C2orf49: variants seen among roughly 807,000 people sequenced by gnomAD.
The protein encoded by C2orf49 is tRNA splicing ligase complex subunit 2.
C2orf49 carries 11 observed loss-of-function variants against 20.6 expected under a neutral mutation model. That is an observed-to-expected ratio of 0.53 (90% CI 0.34 to 0.88). The LOEUF is 0.88. C2orf49 is among the 40% of genes least tolerant of loss of function. The probability of loss-of-function intolerance (pLI) is 0.02; values close to 1 mark genes in which losing one functional copy is unlikely to be tolerated. For missense variants in C2orf49, 289 were observed against 274.2 expected (o/e 1.05, Z -0.38); for synonymous variants, 134 against 108.5 (o/e 1.24, Z -1.46).
At chr2:105,341,551 C>A (rs1679670263) in intron 2 of C2orf49, among the ~76,000 whole-genome samples, 1 of 152,230 alleles carries the variant, frequency 6.6e-6, no homozygotes, top group South Asian at 2.1e-4. Context: ...TTAGATTAAG[C>A]AAGCTGTCAA....
At chr2:105,358,902 T>C in the C2orf49 span, 1 of 152,220 alleles carries the variant, frequency 6.6e-6, no homozygotes, top group Non-Finnish European at 1.5e-5. Context: ...CTTCCTCACT[T>C]TCCAGAGGCT....
At chr2:105,357,898 T>C in the C2orf49 span, 1 of 152,222 alleles carries the variant, frequency 6.6e-6, no homozygotes, top group East Asian at 1.9e-4. Context: ...TTAAGCACTT[T>C]GAGCTAATAA....
At position 105,345,594 on chromosome 2, in the gene C2orf49, T is replaced by C. The variant is rs1679791832; in HGVS notation, c.*223T>C. The C allele has an allele frequency of 1.8e-6, 1 of 563,194 alleles. No homozygotes were observed. Among genetic ancestry groups the C allele is most frequent in the South Asian group, 2.2e-5 (1 of 44,796 alleles). 34.9% of individuals were successfully genotyped at this position (563,194 alleles called of 1,614,324 possible). A position where few individuals can be genotyped will look rare whatever the true frequency, so the allele number is the denominator to read the frequency against. The stretch of plus-strand genomic sequence containing the variant: ...TGCCCTGATTAGGAAAGAATATCTT[T>C]TTAAACCAATGGCTTAGTATATGTC... On this transcript the variant is annotated 3_prime_UTR_variant, in exon 4 of 4. Coordinates refer to ENST00000258457, the MANE Select transcript of C2orf49 (RefSeq NM_024093.3).
At chr2:105,350,373 A>G (rs1679906283), downstream of C2orf49, among the ~76,000 whole-genome samples, 1 of 152,248 alleles carries the variant, frequency 6.6e-6, no homozygotes, top group Non-Finnish European at 1.5e-5. Context: ...CAAAGAAGGT[A>G]GGCAGGAGCC....
At chr2:105,343,277 A>T (rs1298505800) in intron 3 of C2orf49, 54 bp downstream of exon 3, 1 of 1,507,294 alleles carries the variant, frequency 6.6e-7, no homozygotes, top group Non-Finnish European at 8.8e-7. Context: ...AAACTTGAGC[A>T]GTCTGCCTCA....
In C2orf49 at chr2:105,345,482, G is replaced by T; in HGVS notation, c.*111G>T. The T allele has an allele frequency of 1.2e-6, 1 of 837,092 alleles. No individual in the cohort carries two copies. The highest frequency in any genetic ancestry group is 1.7e-5 in the South Asian group (1 of 58,888). 51.9% of individuals were successfully genotyped at this position (837,092 alleles called of 1,614,324 possible). ...GATTATTGTGGAATTTTCTTAAGAG[G>T]TTTCAAATAGGTTTAAAAAAATAAA... is the stretch of plus-strand genomic sequence containing the variant. On this transcript the variant is annotated 3_prime_UTR_variant, in exon 4 of 4. Coordinates refer to ENST00000258457, the MANE Select transcript of C2orf49 (RefSeq NM_024093.3).
chr2:105,384,939 G>C, the C2orf49 span, among the ~76,000 whole-genome samples: 2 of 152,224 alleles, frequency 1.3e-5, no homozygotes, highest in Non-Finnish European at 2.9e-5. Context: ...TCTCATGCTT[G>C]TCCTGTTAAA....
chr2:105,364,325 T>C, the C2orf49 span, among the ~76,000 whole-genome samples: 156 of 152,276 alleles, frequency 1.0e-3, no homozygotes, highest in African/African-American at 3.6e-3. Flanking sequence ...CTCACGAGCC[T>C]GTCTCTCCAG....
the C2orf49 span, chr2:105,363,378 G>A: frequency 1.7e-5 from 28 of 1,613,940 alleles, no homozygotes; most frequent in East Asian, 1.1e-4. Flanking sequence ...GCTGTGAAGC[G>A]CTGCCCAGAC....
the C2orf49 span, among the ~76,000 whole-genome samples, chr2:105,379,682 C>T: frequency 9.9e-5 from 15 of 152,196 alleles, no homozygotes; most frequent in Non-Finnish European, 2.1e-4. Context: ...GACCCCAACT[C>T]GCTTTCCAAC....
chr2:105,376,190 A>G, the C2orf49 span: 6 of 152,222 alleles, frequency 3.9e-5, no homozygotes, highest in East Asian at 9.6e-4. Context: ...GAAGTTCCGT[A>G]ACTTGCCCAG....
At chr2:105,363,404 G>A in the C2orf49 span, 2 of 1,613,672 alleles carry the variant, frequency 1.2e-6, no homozygotes, top group Non-Finnish European at 8.5e-7. Context: ...CTTCCTGCAG[G>A]CGGTGCACAC....
the C2orf49 span, among the ~76,000 whole-genome samples, chr2:105,372,232 TC>T: frequency 2.7e-5 from 2 of 73,350 alleles, no homozygotes; most frequent in Non-Finnish European, 5.4e-5. Flanking sequence ...TACATAACTT[TC>T]TTTTTTTTTT....
the C2orf49 span, among the ~76,000 whole-genome samples, chr2:105,369,074 CTGTA>C: frequency 6.6e-6 from 1 of 152,186 alleles, no homozygotes; most frequent in Non-Finnish European, 1.5e-5. Flanking sequence ...GTGACAGAGA[CTGTA>C]TGGTCCACAA....
chr2:105,337,663 T>C lies in C2orf49; in HGVS notation c.76T>C (p.Phe26Leu), dbSNP rs1471893342. 1 of 1,394,222 alleles carries C rather than the reference T, an allele frequency of 7.2e-7. No individual in the cohort carries two copies. The highest frequency in any genetic ancestry group is 9.6e-7 in the Non-Finnish European group (1 of 1,046,886). The allele number at this position is 1,394,222 out of a possible 1,614,324, so 86.4% of individuals were successfully genotyped here. ...LLHPELLSQE[F>L]LLLTLEQKNI... ...GCACCCGGAGCTGCTGTCCCAGGAG[T>C]TCCTTCTCCTCACTCTGGAGCAGGT... The change falls in exon 1 of 4, where the codon TTC becomes CTC. Residue 26 changes from phenylalanine to leucine, a missense_variant. Phe to Leu is a conservative substitution (Grantham distance 22). Transcript: ENST00000258457.
At chr2:105,339,845 T>G in intron 2 of C2orf49, 96 bp downstream of exon 2, 1 of 1,135,458 alleles carries the variant, frequency 8.8e-7, no homozygotes, top group Non-Finnish European at 1.2e-6. Context: ...AGTAAAAAAT[T>G]TATTTACTCA....
At chr2:105,370,497 G>C in the C2orf49 span, among the ~76,000 whole-genome samples, 4 of 152,160 alleles carry the variant, frequency 2.6e-5, no homozygotes, top group Non-Finnish European at 4.4e-5. Flanking sequence ...ATAGGGGCGC[G>C]AGAGCCGGTA....
intron 3 of C2orf49, among the ~76,000 whole-genome samples, chr2:105,343,917 T>C (rs928343199): frequency 3.9e-5 from 6 of 151,952 alleles, no homozygotes; most frequent in Admixed American, 3.3e-4. Context: ...CCTAGTAGTT[T>C]AATAGCCATT....
the C2orf49 span, among the ~76,000 whole-genome samples, chr2:105,384,194 C>A: frequency 6.6e-6 from 1 of 152,184 alleles, no homozygotes; most frequent in East Asian, 1.9e-4. Flanking sequence ...GATATCTGAA[C>A]CTCTCACCTA....
Sources: gnomAD v4.1 joint callset for allele counts (sites outside exome capture counted in the v4.1 genomes callset) on GRCh38, gnomAD v4.1.1 for gene constraint, MANE v1.5 for transcripts, NCBI Gene and HGNC (gene_info 2026-07-23, HGNC 2026-07-21) for gene names.